TRPM7: variants seen among roughly 807,000 people sequenced by gnomAD.
TRPM7 encodes the protein transient receptor potential cation channel subfamily M member 7.
In TRPM7, 134 loss-of-function variants were observed where a neutral mutation model predicts 229.7. The observed-to-expected ratio is 0.58, with a 90% CI of 0.51 to 0.67. The LOEUF (loss-of-function observed/expected upper bound fraction) is 0.67. Among genes scored for constraint, TRPM7 ranks in the 30% least tolerant of loss-of-function variants. The pLI, the probability that TRPM7 is intolerant of heterozygous loss-of-function variation, is 0.00. For synonymous variants in TRPM7, 699 were observed against 715.2 expected, an observed-to-expected ratio of 0.98 and a Z score of 0.36; for missense variants, 1,901 against 2,210.0, an observed-to-expected ratio of 0.86 and a Z score of 2.80.
At chr15:50,670,043 T>C (rs1378241729) in intron 1 of TRPM7, among the ~76,000 whole-genome samples, 1 of 152,222 alleles carries the variant, frequency 6.6e-6, no homozygotes, top group Admixed American at 6.5e-5. Flanking sequence ...TCAGATATCA[T>C]GTTTTGTCAG....
chr15:50,607,197 T>C lies in TRPM7; in HGVS notation c.2709+3A>G. The C allele has an allele frequency of 6.3e-7, 1 of 1,597,948 alleles. No homozygotes were observed. Among genetic ancestry groups the C allele is most frequent in the Non-Finnish European group, 8.5e-7 (1 of 1,175,362 alleles). ...TATTGGTAGAAAAAAACTAAAGACA[T>C]ACCTCACGGACTTTCTCAATGGCAT... On this transcript the variant is annotated splice_donor_region_variant and intron_variant, in intron 20 of 38. Transcript: ENST00000646667.
chr15:50,575,795 T>C lies in TRPM7; in HGVS notation c.4670-6A>G. On this transcript the variant is annotated splice_polypyrimidine_tract_variant and splice_region_variant and intron_variant, in intron 32 of 38. Transcript: ENST00000646667. ...CAAGTTATTTCTTTCCACAGCTGCA[T>C]AAAAATGAGAGAGAAATAATTAAAT... 1 of 1,613,454 alleles carries C rather than the reference T, an allele frequency of 6.2e-7. No homozygotes were observed. Among genetic ancestry groups the C allele is most frequent in the Non-Finnish European group, 8.5e-7 (1 of 1,179,688 alleles).
At chr15:50,653,359 G>A (rs946055342) in intron 3 of TRPM7, among the ~76,000 whole-genome samples, 1 of 152,176 alleles carries the variant, frequency 6.6e-6, no homozygotes, top group Non-Finnish European at 1.5e-5. Flanking sequence ...AACTAGGAAA[G>A]GAGGAAACTT....
intron 13 of TRPM7, among the ~76,000 whole-genome samples, chr15:50,615,750 G>T (rs183580393): frequency 6.6e-6 from 1 of 152,132 alleles, no homozygotes. Context: ...ACAAAAATTA[G>T]CTGGGTGTGG....
At chr15:50,646,936 G>C (rs767910334) in intron 4 of TRPM7, among the ~76,000 whole-genome samples, 4 of 152,098 alleles carry the variant, frequency 2.6e-5, no homozygotes, top group African/African-American at 9.7e-5. Context: ...GAGGTTTACA[G>C]CCTAAAAGCA....
intron 19 of TRPM7, among the ~76,000 whole-genome samples, chr15:50,609,342 A>C (rs2060001568): frequency 6.6e-6 from 1 of 152,176 alleles, no homozygotes; most frequent in African/African-American, 2.4e-5. Flanking sequence ...TACAAAGGCC[A>C]ATGGTATTGT....
chr15:50,677,851 G>T (rs1416774316), intron 1 of TRPM7, among the ~76,000 whole-genome samples: 3 of 150,582 alleles, frequency 2.0e-5, no homozygotes, highest in African/African-American at 7.3e-5. Flanking sequence ...ACAGGAAAAT[G>T]TGACCCATAT....
At chr15:50,564,512 C>G (rs909868833) in intron 38 of TRPM7, among the ~76,000 whole-genome samples, 2 of 151,466 alleles carry the variant, frequency 1.3e-5, no homozygotes, top group Non-Finnish European at 2.9e-5. Context: ...ACATTATAAA[C>G]TAACCAAGTC....
intron 12 of TRPM7, among the ~76,000 whole-genome samples, 157 bp downstream of exon 12, chr15:50,624,009 T>C (rs1001014139): frequency 4.6e-5 from 7 of 152,310 alleles, no homozygotes; most frequent in African/African-American, 1.7e-4. Context: ...GGTTTCAGAC[T>C]GTAATACAAC....
intron 1 of TRPM7, among the ~76,000 whole-genome samples, chr15:50,671,881 T>C (rs2061996580): frequency 6.6e-6 from 1 of 152,126 alleles, no homozygotes; most frequent in Non-Finnish European, 1.5e-5. Flanking sequence ...TGGGTATTTG[T>C]TTTGATATTG....
At chr15:50,648,621 C>A in intron 4 of TRPM7, 66 bp downstream of exon 4, 2 of 1,434,162 alleles carry the variant, frequency 1.4e-6, no homozygotes, top group East Asian at 2.4e-5. Context: ...AATATTGCTA[C>A]ACAAATTGTG....
intron 27 of TRPM7, among the ~76,000 whole-genome samples, chr15:50,589,177 C>G (rs185221296): frequency 1.4e-4 from 22 of 152,118 alleles, no homozygotes; most frequent in African/African-American, 5.3e-4. Flanking sequence ...CAGAAATTAG[C>G]CAGGCATGGT....
chr15:50,562,949 T>A (rs572644656), intron 38 of TRPM7, among the ~76,000 whole-genome samples: 1 of 152,086 alleles, frequency 6.6e-6, no homozygotes, highest in Admixed American at 6.6e-5. Context: ...AGGAGGAGTG[T>A]TCTAGGCAGA....
Position 50,594,461 on chromosome 15 carries a change from C to T in TRPM7, c.3443G>A (p.Arg1148Lys). ...ATCGGAAGTCTTATCTTTCTTTCTT[C>T]TCTTACATATGCAGCAAAACAGAGA... ...IVSLFCCICK[R>K]RKKDKTSDGP... The change falls in exon 24 of 39, where the codon AGA (arginine) becomes AAA (lysine). Residue 1148 changes from arginine to lysine, a missense_variant. Arg to Lys is a conservative substitution (Grantham distance 26). Coordinates refer to ENST00000646667, the MANE Select transcript of TRPM7 (RefSeq NM_017672.6). The T allele has an allele frequency of 6.2e-7, 1 of 1,611,770 alleles. No homozygotes were observed. Among genetic ancestry groups the T allele is most frequent in the Non-Finnish European group, 8.5e-7 (1 of 1,179,348 alleles).
intron 36 of TRPM7, among the ~76,000 whole-genome samples, chr15:50,573,300 TAGA>T (rs1399951456): frequency 6.6e-6 from 1 of 152,218 alleles, no homozygotes; most frequent in Non-Finnish European, 1.5e-5. Flanking sequence ...GCTTTCTCTC[TAGA>T]AGAAGCCAGC....
At chr15:50,618,612 T>TAAATAAACAAAC (rs869086853) in intron 13 of TRPM7, among the ~76,000 whole-genome samples, 1 of 97,814 alleles carries the variant, frequency 1.0e-5, no homozygotes, top group African/African-American at 3.2e-5. Flanking sequence ...AATAAATAAA[T>TAAATAAACAAAC]AAACGTATGT....
At chr15:50,565,129 C>T (rs1470510426) in intron 38 of TRPM7, among the ~76,000 whole-genome samples, 1 of 151,816 alleles carries the variant, frequency 6.6e-6, no homozygotes, top group Non-Finnish European at 1.5e-5. Flanking sequence ...TTACAGGCAC[C>T]CACCACCACG....
At chr15:50,686,505 C>T (rs1392702007) in intron 1 of TRPM7, 26 bp downstream of exon 1, 7 of 1,613,980 alleles carry the variant, frequency 4.3e-6, no homozygotes, top group Non-Finnish European at 5.1e-6. Context: ...AACCATTCCC[C>T]GCCCGGGCCT....
In TRPM7 at chr15:50,574,909, C is replaced by T; in HGVS notation, c.4962G>A (p.Val1654=). 2.5e-6 allele frequency: 4 copies of T among 1,613,704 alleles called. No individual in the cohort carries two copies. The highest frequency in any genetic ancestry group is 4.5e-5 in the East Asian group (2 of 44,856). The change falls in exon 34 of 39, where the codon GTG becomes GTA. Residue 1654 remains valine, a synonymous_variant. Coordinates refer to ENST00000646667, the MANE Select transcript of TRPM7 (RefSeq NM_017672.6). ...TGTAAATACTTGACCATGTATTAAC[C>T]ACCTCTGGAAGAAAAGATTTGATAA... ...LYIIKSFLPE[V]VNTWSSIYKE...
Sources: allele counts gnomAD v4.1 joint callset (sites outside exome capture counted in the v4.1 genomes callset), GRCh38; gene constraint gnomAD v4.1.1; transcripts MANE v1.5; gene names NCBI Gene and HGNC (gene_info 2026-07-23, HGNC 2026-07-21).